The following STK32B variants were observed in gnomAD, a reference collection of about 807,000 sequenced individuals.
STK32B encodes serine/threonine kinase 32B.
STK32B carries 43 observed loss-of-function variants against 52.6 expected under a neutral mutation model. The ratio of observed to expected loss-of-function variants is 0.82; its 90% CI spans 0.64 to 1.05. The LOEUF is 1.05. Ranked by LOEUF, STK32B falls within the 50% of genes least tolerant of loss-of-function variation. The pLI is 0.00. For synonymous variants in STK32B, 238 were observed against 204.3 expected (o/e 1.17, Z -1.41); for missense variants, 621 against 534.6 (o/e 1.16, Z -1.59).
chr4:5,223,055 C>G (rs1403221450), intron 3 of STK32B, among the ~76,000 whole-genome samples: 1 of 152,186 alleles, frequency 6.6e-6, no homozygotes, highest in Non-Finnish European at 1.5e-5. Flanking sequence ...CATCTCAAGT[C>G]TCTGGTTCCC....
intron 3 of STK32B, among the ~76,000 whole-genome samples, chr4:5,288,919 G>A (rs1039149263): frequency 6.6e-6 from 1 of 152,174 alleles, no homozygotes; most frequent in Admixed American, 6.5e-5. Flanking sequence ...TTTAAAGCAA[G>A]TTTTTGTATG....
chr4:5,340,837 C>T (rs183835717), intron 4 of STK32B, among the ~76,000 whole-genome samples: 28 of 152,204 alleles, frequency 1.8e-4, no homozygotes, highest in Admixed American at 1.6e-3. Context: ...TAAATATAAA[C>T]ACCCACACAT....
chr4:5,148,301 T>A (rs1471588550), intron 2 of STK32B, among the ~76,000 whole-genome samples: 7 of 151,844 alleles, frequency 4.6e-5, no homozygotes, highest in Admixed American at 4.6e-4. Flanking sequence ...TCTTCATCAG[T>A]TTATAATCTT....
intron 3 of STK32B, among the ~76,000 whole-genome samples, chr4:5,206,554 T>G (rs1722588442): frequency 6.6e-6 from 1 of 152,154 alleles, no homozygotes; most frequent in Non-Finnish European, 1.5e-5. Context: ...GGCTGCTGGC[T>G]GGCGAGAGAG....
intron 2 of STK32B, among the ~76,000 whole-genome samples, chr4:5,166,944 C>G (rs1718916163): frequency 6.6e-6 from 1 of 152,090 alleles, no homozygotes. Flanking sequence ...CAATACAGTC[C>G]CTCCTCGGGG....
At chr4:5,377,286 C>T (rs964327393) in intron 4 of STK32B, among the ~76,000 whole-genome samples, 5 of 152,142 alleles carry the variant, frequency 3.3e-5, no homozygotes, top group African/African-American at 9.7e-5. Context: ...AAAATAACAG[C>T]AAAAGGGGTG....
chr4:5,218,049 C>G (rs934394309), intron 3 of STK32B, among the ~76,000 whole-genome samples: 7 of 152,036 alleles, frequency 4.6e-5, no homozygotes, highest in African/African-American at 1.7e-4. Flanking sequence ...ATCAGTGGGT[C>G]AAGTGCCTCA....
At chr4:5,343,491 G>C (rs534036947) in intron 4 of STK32B, among the ~76,000 whole-genome samples, 1 of 152,028 alleles carries the variant, frequency 6.6e-6, no homozygotes, top group African/African-American at 2.4e-5. Context: ...GGGTCAAATG[G>C]TATTTCTAGT....
intron 7 of STK32B, among the ~76,000 whole-genome samples, chr4:5,448,506 C>T (rs913739223): frequency 6.6e-6 from 1 of 152,198 alleles, no homozygotes; most frequent in Non-Finnish European, 1.5e-5. Flanking sequence ...TGACTGGGCT[C>T]CTGCCAACAG....
rs1447871212 is a variant in STK32B at position 5,317,415 on chromosome 4, T to C, written c.261-13805T>C. ...TATAATATATATAATGTATATGTAT[T>C]ATATATAATACATATATATTACATA... On this transcript the variant is annotated intron_variant, in intron 3 of 11. Coordinates refer to ENST00000282908, the MANE Select transcript of STK32B (RefSeq NM_018401.3). Among the ~76,000 whole-genome samples the C allele has an allele frequency of 3.6e-5, 3 of 84,044 alleles. No individual in the cohort carries two copies. The South Asian group carries it at 8.9e-4, about 25-fold the overall frequency. The allele number at this position is 84,044 out of a possible 152,430, so 55.1% of individuals were successfully genotyped here.
At chr4:5,261,111 A>G (rs1203151914) in intron 3 of STK32B, among the ~76,000 whole-genome samples, 1 of 152,144 alleles carries the variant, frequency 6.6e-6, no homozygotes, top group Non-Finnish European at 1.5e-5. Context: ...CAGTACCTCC[A>G]GCAGCTGGGG....
chr4:5,268,828 C>T (rs563027611), intron 3 of STK32B, among the ~76,000 whole-genome samples: 29 of 148,994 alleles, frequency 1.9e-4, no homozygotes, highest in Admixed American at 1.9e-3. Context: ...ACCAGATTTA[C>T]CCTCCTACCT....
chr4:5,227,091 T>C (rs1290761353), intron 3 of STK32B, among the ~76,000 whole-genome samples: 1 of 152,214 alleles, frequency 6.6e-6, no homozygotes, highest in Non-Finnish European at 1.5e-5. Flanking sequence ...TTGAAATATA[T>C]GAAGAAAACC....
Position 5,478,844 on chromosome 4 carries a change from G to A in STK32B, c.1106+10774G>A, listed in dbSNP as rs76388073. 6.3e-3 allele frequency among the ~76,000 whole-genome samples: 957 copies of A among 152,268 alleles called. 11 individuals are homozygous for A. Among genetic ancestry groups the A allele is most frequent in the African/African-American group, 0.022 (899 of 41,568 alleles). On this transcript the variant is annotated intron_variant, in intron 11 of 11. Transcript: ENST00000282908. Reference sequence around the variant, plus strand: ...TCCAATGTTCCTAGCAACCCCAGGCGGCAGTGCAGGGAGGAAGCTAGGGAA... The same window carrying A: ...TCCAATGTTCCTAGCAACCCCAGGCAGCAGTGCAGGGAGGAAGCTAGGGAA...
At position 5,399,905 on chromosome 4, in the gene STK32B, G is replaced by A. The variant is rs1737179975; in HGVS notation, c.472+1661G>A. Among the ~76,000 whole-genome samples, 1 of 152,164 alleles carries A rather than the reference G, an allele frequency of 6.6e-6. No homozygotes were observed. Among genetic ancestry groups the A allele is most frequent in the Admixed American group, 6.5e-5 (1 of 15,282 alleles). ...GGTCAAATCACAGAAGCAGGGTAAA[G>A]AGGTGAGAAAACACAGAGGCTGGTT... is the stretch of plus-strand genomic sequence containing the variant. On this transcript the variant is annotated intron_variant, in intron 5 of 11. Coordinates refer to ENST00000282908, the MANE Select transcript of STK32B (RefSeq NM_018401.3). This position sits in a 1 kb window ranked among gnomAD's most constrained non-coding sequence, Gnocchi z 5.4.
At chr4:5,486,567 G>A (rs958060257) in intron 11 of STK32B, among the ~76,000 whole-genome samples, 14 of 152,210 alleles carry the variant, frequency 9.2e-5, no homozygotes, top group African/African-American at 2.9e-4. Flanking sequence ...TTTGGCTCAC[G>A]CTCGGTGCGC....
At chr4:5,050,605 A>G (rs558873309), upstream of STK32B, among the ~76,000 whole-genome samples, 166 of 152,260 alleles carry the variant, frequency 1.1e-3, no homozygotes, top group Non-Finnish European at 9.0e-4. Flanking sequence ...CAGTGGTTCC[A>G]GGCGCCCAGC....
intron 4 of STK32B, 21 bp downstream of exon 4, chr4:5,331,414 A>G (rs1438573454): frequency 2.5e-6 from 4 of 1,596,898 alleles, no homozygotes; most frequent in Non-Finnish European, 3.4e-6. Flanking sequence ...TGCTGGCGGG[A>G]TGCCTGGGAC....
intron 3 of STK32B, among the ~76,000 whole-genome samples, chr4:5,311,508 A>G (rs1025772935): frequency 1.2e-4 from 19 of 152,190 alleles, no homozygotes; most frequent in Non-Finnish European, 2.5e-4. Flanking sequence ...TGATTCTTCA[A>G]AAATATTTAA....
Sources: gnomAD v4.1 joint callset for allele counts (sites outside exome capture counted in the v4.1 genomes callset) on GRCh38, gnomAD v4.1.1 for gene constraint, Gnocchi (gnomAD v3.1) non-coding constraint, MANE v1.5 for transcripts, NCBI Gene and HGNC (gene_info 2026-07-23, HGNC 2026-07-21) for gene names.